FAM227B: variants seen among roughly 807,000 people sequenced by gnomAD.
FAM227B encodes protein FAM227B.
A neutral mutation model predicts 73.8 loss-of-function variants in FAM227B; 88 were observed. That is an observed-to-expected ratio of 1.19 (90% confidence interval 1.00 to 1.42). FAM227B has a LOEUF of 1.42. Among genes scored for constraint, FAM227B ranks in the 40% most tolerant of loss-of-function variants. FAM227B has a pLI of 0.00. For missense variants in FAM227B, 632 were observed against 590.9 expected, an observed-to-expected ratio of 1.07 and a Z score of -0.72; for synonymous variants, 210 against 190.5, an observed-to-expected ratio of 1.10 and a Z score of -0.84.
intron 11 of FAM227B, among the ~76,000 whole-genome samples, chr15:49,413,672 A>C (rs896532209): frequency 2.6e-5 from 4 of 152,072 alleles, no homozygotes; most frequent in African/African-American, 9.7e-5. Context: ...ATACTTGCTA[A>C]TTACAATCTA....
At chr15:49,557,361 A>C (rs1272488981) in intron 9 of FAM227B, among the ~76,000 whole-genome samples, 2 of 152,210 alleles carry the variant, frequency 1.3e-5, no homozygotes, top group Non-Finnish European at 2.9e-5. Flanking sequence ...TTTTGGGAAA[A>C]AAACTTAATT....
intron 11 of FAM227B, among the ~76,000 whole-genome samples, chr15:49,503,642 A>C (rs2058335411): frequency 6.6e-6 from 1 of 152,228 alleles, no homozygotes; most frequent in Admixed American, 6.5e-5. Context: ...TCGCAAAAGA[A>C]GACATTTATG....
At chr15:49,563,333 A>G (rs898246524) in intron 9 of FAM227B, among the ~76,000 whole-genome samples, 2 of 152,198 alleles carry the variant, frequency 1.3e-5, no homozygotes, top group Non-Finnish European at 2.9e-5. Flanking sequence ...GCTCAAAGAA[A>G]TCATAGATGA....
intron 11 of FAM227B, chr15:49,424,511 C>T (rs766338451): frequency 1.9e-6 from 3 of 1,613,030 alleles, no homozygotes; most frequent in Admixed American, 1.7e-5. Context: ...ACTCTTCTGT[C>T]GAACACAGTG....
rs575900328 is a variant in FAM227B at position 49,436,305 on chromosome 15, A to G, written c.1013-64906T>C. 4.4e-4 allele frequency among the ~76,000 whole-genome samples: 67 copies of G among 151,730 alleles called. No homozygotes were observed. The Middle Eastern group carries it at 0.014, about 31-fold the overall frequency. Reference sequence around the variant, plus strand: ...GTCAGTTAACTTACAAAGATTAGATATTGCATAGTAGGTCTGATGAGTCCA... The same window carrying G: ...GTCAGTTAACTTACAAAGATTAGATGTTGCATAGTAGGTCTGATGAGTCCA... On this transcript the variant is annotated intron_variant, in intron 11 of 15. Coordinates refer to ENST00000299338, the MANE Select transcript of FAM227B (RefSeq NM_152647.3).
intron 9 of FAM227B, among the ~76,000 whole-genome samples, chr15:49,562,318 CA>C (rs1356193824): frequency 2.6e-5 from 4 of 151,864 alleles, no homozygotes; most frequent in African/African-American, 9.7e-5. Context: ...AAACCCTGAA[CA>C]GACCAATATC....
At chr15:49,600,539 A>G (rs982409516) in intron 3 of FAM227B, among the ~76,000 whole-genome samples, 2 of 151,412 alleles carry the variant, frequency 1.3e-5, no homozygotes, top group African/African-American at 2.4e-5. Context: ...CTGTGGTCCC[A>G]GCTACTCAGG....
intron 11 of FAM227B, among the ~76,000 whole-genome samples, chr15:49,377,965 T>C (rs2046279227): frequency 6.6e-6 from 1 of 152,148 alleles, no homozygotes; most frequent in Non-Finnish European, 1.5e-5. Flanking sequence ...TTCCCTGATG[T>C]TTTCTTGCAG....
chr15:49,440,215 A>G (rs944430331), intron 11 of FAM227B, among the ~76,000 whole-genome samples: 1 of 151,816 alleles, frequency 6.6e-6, no homozygotes, highest in African/African-American at 2.4e-5. Flanking sequence ...ATGCATTATT[A>G]CTGTGGTTTG....
chr15:49,586,223 T>C (rs2076152722), intron 5 of FAM227B, among the ~76,000 whole-genome samples: 2 of 151,882 alleles, frequency 1.3e-5, no homozygotes, highest in Admixed American at 1.3e-4. Context: ...AAAGAACTCA[T>C]AAATAAGGCC....
chr15:49,424,323 T>G lies in FAM227B; in HGVS notation c.1013-52924A>C, dbSNP rs1048633344. The G allele has an allele frequency of 4.3e-6, 7 of 1,613,426 alleles. No homozygotes were observed. In the Admixed American group the frequency reaches 8.3e-5, roughly 19 times the overall value. The stretch of plus-strand genomic sequence containing the variant: ...ATGCACAAATGGATACTGACATGGA[T>G]CCTGCCAACTTTGCTCTACAGATCA... On this transcript the variant is annotated intron_variant, in intron 11 of 15. Transcript: ENST00000299338.
At chr15:49,553,040 G>A (rs1160559876) in intron 9 of FAM227B, among the ~76,000 whole-genome samples, 2 of 152,108 alleles carry the variant, frequency 1.3e-5, no homozygotes, top group Non-Finnish European at 2.9e-5. Flanking sequence ...TTTGGTGTCT[G>A]GGCATTAAAG....
chr15:49,329,211 G>A, intron 15 of FAM227B: 11 of 986,520 alleles, frequency 1.1e-5, no homozygotes, highest in Non-Finnish European at 1.3e-5. Flanking sequence ...TCTGGGATTT[G>A]TAATGGTATT....
chr15:49,388,363 C>G (rs182093877), intron 11 of FAM227B, among the ~76,000 whole-genome samples: 7 of 151,552 alleles, frequency 4.6e-5, no homozygotes, highest in Admixed American at 1.3e-4. Flanking sequence ...ATAAAGTACA[C>G]AAAAATATAA....
chr15:49,598,182 C>T (rs7175275), intron 3 of FAM227B, among the ~76,000 whole-genome samples: 16,342 of 151,766 alleles, frequency 0.11, 1,241 homozygotes, highest in East Asian at 0.36. Context: ...AGCTACATGC[C>T]AATACCTCCT....
intron 9 of FAM227B, among the ~76,000 whole-genome samples, chr15:49,548,542 T>A (rs1165034531): frequency 1.3e-5 from 2 of 152,230 alleles, no homozygotes; most frequent in Non-Finnish European, 2.9e-5. Context: ...CCTTGTAGAA[T>A]GAGTTTGGGA....
At chr15:49,353,616 T>TG (rs1204466069) in intron 13 of FAM227B, 1 of 143,540 alleles carries the variant, frequency 7.0e-6, no homozygotes, top group Non-Finnish European at 1.5e-5. Context: ...AAATAAGGGT[T>TG]TTTTTTTTTT....
chr15:49,557,494 C>T lies in FAM227B; in HGVS notation c.747+10751G>A, dbSNP rs1235452402. Among the ~76,000 whole-genome samples the T allele has an allele frequency of 7.2e-5, 11 of 152,170 alleles. No homozygotes were observed. The East Asian group carries it at 1.9e-3, about 27-fold the overall frequency. On this transcript the variant is annotated intron_variant, in intron 9 of 15. Coordinates refer to ENST00000299338, the MANE Select transcript of FAM227B (RefSeq NM_152647.3). ...GTTTAAGACGACAGATGGGAAGCAG[C>T]TAGTATACACTGCTCTCATGGAGAT...
chr15:49,397,055 C>T lies in FAM227B; in HGVS notation c.1013-25656G>A, dbSNP rs188625036. Among the ~76,000 whole-genome samples, 600 of 151,956 alleles carry T rather than the reference C, an allele frequency of 3.9e-3. 3 individuals carry two copies. Among genetic ancestry groups the T allele is most frequent in the African/African-American group, 0.013 (549 of 41,416 alleles). On this transcript the variant is annotated intron_variant, in intron 11 of 15. Transcript: ENST00000299338. ...CAGATGATCAAATTACTCTGAGCTA[C>T]GGGAGGACATTCAAACCAAAGGCAA...
Sources: gnomAD v4.1 joint callset for allele counts (sites outside exome capture counted in the v4.1 genomes callset) on GRCh38, gnomAD v4.1.1 for gene constraint, MANE v1.5 for transcripts, NCBI Gene and HGNC (gene_info 2026-07-23, HGNC 2026-07-21) for gene names.